ADAMTS14: variants seen among roughly 807,000 people sequenced by gnomAD.
The protein encoded by ADAMTS14 is A disintegrin and metalloproteinase with thrombospondin motifs 14.
ADAMTS14 carries 100 observed loss-of-function variants against 128.6 expected under a neutral mutation model. That is an observed-to-expected ratio of 0.78 (90% CI 0.66 to 0.92). The LOEUF (loss-of-function observed/expected upper bound fraction) is 0.92, where lower values mean the gene tolerates loss of function less well. ADAMTS14 is among the 40% of genes least tolerant of loss of function. The probability of loss-of-function intolerance (pLI) is 0.00; values close to 1 mark genes in which losing one functional copy is unlikely to be tolerated. For synonymous variants in ADAMTS14, 665 were observed against 653.8 expected, an observed-to-expected ratio of 1.02 and a Z score of -0.26; for missense variants, 1,562 against 1,658.6, an observed-to-expected ratio of 0.94 and a Z score of 1.01.
At chr10:70,717,133 T>G (rs1417256986) in intron 4 of ADAMTS14, among the ~76,000 whole-genome samples, 1 of 152,164 alleles carries the variant, frequency 6.6e-6, no homozygotes, top group Non-Finnish European at 1.5e-5. Context: ...TGAGTACGTG[T>G]TGTGTGCCTT....
intron 2 of ADAMTS14, 70 bp downstream of exon 2, chr10:70,675,065 G>C: frequency 6.5e-7 from 1 of 1,549,770 alleles, no homozygotes; most frequent in South Asian, 1.2e-5. Flanking sequence ...TTTTGAGATT[G>C]CTATGGGCAT....
At chr10:70,720,090 G>A (rs1841206710) in intron 4 of ADAMTS14, among the ~76,000 whole-genome samples, 3 of 152,228 alleles carry the variant, frequency 2.0e-5, no homozygotes, top group African/African-American at 7.2e-5. Context: ...ATGCAGCCTG[G>A]GCATGAGGTG....
chr10:70,751,483 C>A lies in ADAMTS14; in HGVS notation c.2433C>A (p.Leu811=). The A allele has an allele frequency of 6.9e-6, 11 of 1,603,602 alleles. No homozygotes were observed. The highest frequency in any genetic ancestry group is 1.3e-5 in the African/African-American group (1 of 74,886). ...AGCTCCCCATCTCCCCTCAGGCTCT[C>A]CCCCCAACTGAGGGTGGCCCCCGCA... ...PLPEAIAILA[L]PPTEGGPRSS... is the part of the protein sequence containing the mutation. The change falls in exon 17 of 22, where the codon CTC becomes CTA. Residue 811 remains leucine, a synonymous_variant. Coordinates refer to ENST00000373207, the MANE Select transcript of ADAMTS14 (RefSeq NM_080722.4).
chr10:70,701,719 C>T (rs1382652424), intron 2 of ADAMTS14, among the ~76,000 whole-genome samples: 1 of 152,136 alleles, frequency 6.6e-6, no homozygotes, highest in Admixed American at 6.5e-5. Context: ...ACATGCATTC[C>T]TGGCTCATTT....
Position 70,733,969 on chromosome 10 carries a change from T to C in ADAMTS14, c.1293T>C (p.Ala431=). 6.2e-7 allele frequency: 1 copy of C among 1,613,886 alleles called. No homozygotes were observed. Among genetic ancestry groups the C allele is most frequent in the African/African-American group, 1.3e-5 (1 of 75,042 alleles). ...LGSVMAPLVQ[A]AFHRFHWSRC... ...GCGTCATGGCGCCCCTGGTGCAGGC[T>C]GCCTTCCACCGCTTCCATTGGTCCC... is the stretch of plus-strand genomic sequence containing the variant. Residue 431 remains alanine, a synonymous_variant, in exon 8 of 22, where the codon GCT becomes GCC. Transcript: ENST00000373207.
Position 70,760,810 on chromosome 10 carries a change from GAC to G in ADAMTS14, c.3631_3632del (p.His1211SerfsTer31). ...AAAGGGCAACCTGGAGAAGACCTGA[GAC>G]ATCCCGGCACCAGCCTCCCTGCTGC... is the stretch of plus-strand genomic sequence containing the variant. On this transcript the variant is annotated frameshift_variant, in exon 22 of 22. Transcript: ENST00000373207. 2.5e-6 allele frequency: 4 copies of G among 1,598,004 alleles called. No individual in the cohort carries two copies. Among genetic ancestry groups the G allele is most frequent in the Non-Finnish European group, 3.4e-6 (4 of 1,170,332 alleles).
Position 70,753,809 on chromosome 10 carries a change from G to C in ADAMTS14, c.2739G>C (p.Thr913=). The C allele has an allele frequency of 6.3e-7, 1 of 1,579,312 alleles. No individual in the cohort carries two copies. The highest frequency in any genetic ancestry group is 8.6e-7 in the Non-Finnish European group (1 of 1,162,452). ...TTCACCCTGTTTCCAGGTGGGTGAC[G>C]GAGGAGTGGGGTGCCTGCAGCCGGA... ...QHPCSQPVWV[T]EEWGACSRSC... The change falls in exon 19 of 22, where the codon ACG becomes ACC. Residue 913 remains threonine (T), a synonymous_variant. Coordinates refer to ENST00000373207, the MANE Select transcript of ADAMTS14 (RefSeq NM_080722.4).
intron 3 of ADAMTS14, among the ~76,000 whole-genome samples, chr10:70,704,533 TCACA>T (rs1261152184): frequency 1.4e-5 from 2 of 145,510 alleles, no homozygotes; most frequent in African/African-American, 2.6e-5. Flanking sequence ...ACACCCACAC[TCACA>T]CATAGACACA....
In ADAMTS14 at chr10:70,679,740, C is replaced by T. The variant is rs74141824; in HGVS notation, c.522+4745C>T. On this transcript the variant is annotated intron_variant, in intron 2 of 21. Coordinates refer to ENST00000373207, the MANE Select transcript of ADAMTS14 (RefSeq NM_080722.4). Reference sequence around the variant, plus strand: ...AGGGCCTGGCGCGGAAGCAGCCACACGTGTAAGATTTGTCACCATCTGGTT... The same window carrying T: ...AGGGCCTGGCGCGGAAGCAGCCACATGTGTAAGATTTGTCACCATCTGGTT... Among the ~76,000 whole-genome samples, 219 of 152,334 alleles carry T rather than the reference C, an allele frequency of 1.4e-3. 1 individual carries two copies. The highest frequency in any genetic ancestry group is 4.9e-3 in the African/African-American group (203 of 41,574).
rs1461543006 is a variant in ADAMTS14 at position 70,761,570 on chromosome 10, G to GC, written c.*723dup. The GC allele has an allele frequency of 1.3e-5, 2 of 152,140 alleles. No individual in the cohort carries two copies. The highest frequency in any genetic ancestry group is 4.8e-5 in the African/African-American group (2 of 41,390). The allele number at this position is 152,140 out of a possible 1,614,324, so 9.4% of individuals were successfully genotyped here. On this transcript the variant is annotated 3_prime_UTR_variant, in exon 22 of 22. Coordinates refer to ENST00000373207, the MANE Select transcript of ADAMTS14 (RefSeq NM_080722.4). ...TCTAGTGACTCCAGATTACAGACTG[G>GC]CCCCCCAATCTCACCCCAGCCCACC...
At chr10:70,694,562 A>G (rs1376992318) in intron 2 of ADAMTS14, among the ~76,000 whole-genome samples, 3 of 152,100 alleles carry the variant, frequency 2.0e-5, no homozygotes, top group Non-Finnish European at 4.4e-5. Context: ...GCAGTGACGA[A>G]TCTACTTTCT....
Position 70,757,945 on chromosome 10 carries a change from T to C in ADAMTS14, c.2938-17T>C. 6.3e-7 allele frequency: 1 copy of C among 1,594,908 alleles called. No homozygotes were observed. Among genetic ancestry groups the C allele is most frequent in the Non-Finnish European group, 8.5e-7 (1 of 1,171,292 alleles). ...TGACCCCGGCCGCTATGCCTGGCAC[T>C]GACCCACCCACGGCAGTGCTCTGCC... On this transcript the variant is annotated splice_polypyrimidine_tract_variant and intron_variant, in intron 19 of 21. Transcript: ENST00000373207.
rs368182350 is a variant in ADAMTS14 at position 70,745,800 on chromosome 10, C to T, written c.2263+494C>T. Among the ~76,000 whole-genome samples, 27 of 152,230 alleles carry T rather than the reference C, an allele frequency of 1.8e-4. 1 individual carries two copies. In the South Asian group the frequency reaches 5.4e-3, roughly 30 times the overall value. On this transcript the variant is annotated intron_variant, in intron 15 of 21. Transcript: ENST00000373207. ...TCTTGGACCAAGTCATGCAGATGCC[C>T]TCAGCTGGTAGGTCTCTGGGAGCTG...
At chr10:70,678,415 T>C (rs1346763753) in intron 2 of ADAMTS14, among the ~76,000 whole-genome samples, 2 of 152,052 alleles carry the variant, frequency 1.3e-5, no homozygotes, top group African/African-American at 2.4e-5. Flanking sequence ...ATTGTTTTCT[T>C]TGATGTCAGA....
intron 10 of ADAMTS14, among the ~76,000 whole-genome samples, chr10:70,737,361 G>A (rs944079242): frequency 7.2e-5 from 11 of 152,172 alleles, no homozygotes; most frequent in African/African-American, 1.4e-4. Context: ...CTCTGCTGCC[G>A]GCCCTGCCCT....
intron 4 of ADAMTS14, among the ~76,000 whole-genome samples, chr10:70,715,732 T>C (rs972169381): frequency 6.6e-6 from 1 of 152,076 alleles, no homozygotes; most frequent in East Asian, 1.9e-4. Context: ...TTGGGCAAAG[T>C]GTACTTTTGA....
intron 2 of ADAMTS14, among the ~76,000 whole-genome samples, chr10:70,689,837 C>CCCAGGGACTG (rs1840134149): frequency 6.9e-6 from 1 of 145,054 alleles, no homozygotes; most frequent in African/African-American, 2.4e-5. Flanking sequence ...AACATTCCTC[C>CCCAGGGACTG]CCAGGGACTG....
intron 4 of ADAMTS14, among the ~76,000 whole-genome samples, chr10:70,713,746 G>C (rs1329535579): frequency 6.6e-6 from 1 of 152,182 alleles, no homozygotes; most frequent in East Asian, 1.9e-4. Flanking sequence ...CTGTGTATGG[G>C]GGTGAGTTGG....
chr10:70,735,171 C>T lies in ADAMTS14; in HGVS notation c.1355C>T (p.Ser452Phe), dbSNP rs750734959. Residue 452 changes from serine to phenylalanine, a missense_variant and splice_region_variant, in exon 9 of 22, where the codon TCC becomes TTC. Transcript: ENST00000373207. ...SKLELSRYLP[S>F]YDCLLDDPFD... ...ACCTTCCTTGTCTCTACTGGCAGCT[C>T]CTACGACTGCCTCCTCGATGACCCC... 4 of 1,612,604 alleles carry T rather than the reference C, an allele frequency of 2.5e-6. No individual in the cohort carries two copies. Among genetic ancestry groups the T allele is most frequent in the Non-Finnish European group, 3.4e-6 (4 of 1,179,130 alleles).
Sources: gnomAD v4.1 joint callset for allele counts (sites outside exome capture counted in the v4.1 genomes callset) on GRCh38, gnomAD v4.1.1 for gene constraint, MANE v1.5 for transcripts, NCBI Gene and HGNC (gene_info 2026-07-23, HGNC 2026-07-21) for gene names.